TEX11: variants seen among roughly 807,000 people sequenced by gnomAD.
The protein encoded by TEX11 is testis expressed 11.
Under a neutral mutation model 84.4 loss-of-function variants are expected in TEX11, and 7 were observed. The ratio of observed to expected loss-of-function variants is 0.08; its 90% CI spans 0.05 to 0.16. TEX11 has a LOEUF of 0.16. TEX11 is among the 10% of genes least tolerant of loss of function. TEX11 has a pLI of 1.00. For missense variants in TEX11, 551 were observed against 660.5 expected (o/e 0.83, Z 1.82); for synonymous variants, 264 against 222.8 (o/e 1.18, Z -1.64).
chrX:70,557,767 A>C (rs1225379632), intron 25 of TEX11, among the ~76,000 whole-genome samples: 1 of 111,725 alleles, frequency 9.0e-6, no homozygotes, highest in Non-Finnish European at 1.9e-5. Flanking sequence ...CTCGTATGGA[A>C]ATTCAAGGGA....
At chrX:70,564,577 CCA>C (rs2147959214) in intron 25 of TEX11, among the ~76,000 whole-genome samples, 1 of 91,665 alleles carries the variant, frequency 1.1e-5, no homozygotes, top group South Asian at 6.3e-4. Context: ...ACAACAGTCC[CCA>C]GAGTGTGATG....
intron 4 of TEX11, among the ~76,000 whole-genome samples, chrX:70,869,990 G>T (rs2091621554): frequency 9.0e-6 from 1 of 111,477 alleles, no homozygotes. Context: ...GCTCCATCTT[G>T]TCTTCTCACC....
chrX:70,870,315 G>T (rs1163072187), intron 4 of TEX11, among the ~76,000 whole-genome samples: 6 of 111,064 alleles, frequency 5.4e-5, no homozygotes, highest in East Asian at 2.8e-4. Flanking sequence ...CTCAATAAAT[G>T]ACTAATAAAT....
intron 20 of TEX11, among the ~76,000 whole-genome samples, chrX:70,611,866 G>A (rs1427776565): frequency 8.9e-6 from 1 of 112,029 alleles, no homozygotes; most frequent in Non-Finnish European, 1.9e-5. Flanking sequence ...GCCAGGTGCA[G>A]TGGCTCATGC....
At chrX:70,898,979 T>C (rs7889714) in intron 2 of TEX11, among the ~76,000 whole-genome samples, 59 of 112,109 alleles carry the variant, frequency 5.3e-4, no homozygotes, top group African/African-American at 1.8e-3. Flanking sequence ...ATCTGTAAGA[T>C]TTCTGTACAG....
At chrX:70,695,032 G>A (rs1038116036) in intron 13 of TEX11, among the ~76,000 whole-genome samples, 1 of 111,650 alleles carries the variant, frequency 9.0e-6, no homozygotes, top group African/African-American at 3.3e-5. Context: ...CTGCCACATT[G>A]GAGAACAAAT....
At chrX:70,641,254 C>A (rs62609373) in intron 17 of TEX11, among the ~76,000 whole-genome samples, 16,920 of 110,611 alleles carry the variant, frequency 0.15, 1,184 homozygotes, top group Non-Finnish European at 0.2. Context: ...ACAGGAGCAC[C>A]CAGATTCATA....
chrX:70,614,752 T>C (rs1306940841), intron 20 of TEX11, among the ~76,000 whole-genome samples: 1 of 111,213 alleles, frequency 9.0e-6, no homozygotes, highest in Non-Finnish European at 1.9e-5. Context: ...GCAGTTCTAG[T>C]GGTAATGGCC....
At chrX:70,538,695 G>A (rs1454135742) in intron 28 of TEX11, among the ~76,000 whole-genome samples, 3 of 110,420 alleles carry the variant, frequency 2.7e-5, no homozygotes, top group Non-Finnish European at 5.7e-5. Flanking sequence ...GAAATAACAC[G>A]GCTGCAATTT....
At chrX:70,757,800 T>C (rs761601940) in intron 9 of TEX11, among the ~76,000 whole-genome samples, 34 of 111,828 alleles carry the variant, frequency 3.0e-4, no homozygotes, top group African/African-American at 1.0e-3. Flanking sequence ...ATGAGCTGAA[T>C]ACCCCAATTA....
intron 8 of TEX11, among the ~76,000 whole-genome samples, chrX:70,809,766 G>A (rs112515276): frequency 2.7e-5 from 3 of 110,618 alleles, no homozygotes; most frequent in Admixed American, 9.7e-5. Flanking sequence ...GTGCGTTCTC[G>A]GCTCACTGCA....
At chrX:70,820,113 A>G (rs1429049378) in intron 8 of TEX11, among the ~76,000 whole-genome samples, 1 of 112,252 alleles carries the variant, frequency 8.9e-6, no homozygotes, top group East Asian at 2.8e-4. Flanking sequence ...AGCCAAAGAA[A>G]TCTTGCGCAA....
intron 7 of TEX11, among the ~76,000 whole-genome samples, chrX:70,838,816 A>G (rs1484833355): frequency 8.9e-6 from 1 of 112,613 alleles, no homozygotes; most frequent in Admixed American, 9.3e-5. Context: ...GGGCTTAAAA[A>G]ATGGCACACC....
chrX:70,820,350 T>C (rs1389273997), intron 8 of TEX11, among the ~76,000 whole-genome samples: 1 of 112,114 alleles, frequency 8.9e-6, no homozygotes, highest in Non-Finnish European at 1.9e-5. Flanking sequence ...TTGATGGATA[T>C]CAACATGCAA....
At chrX:70,749,183 A>G (rs1295868805) in intron 9 of TEX11, among the ~76,000 whole-genome samples, 2 of 108,269 alleles carry the variant, frequency 1.8e-5, no homozygotes, top group African/African-American at 6.8e-5. Context: ...CTTTGAAGCA[A>G]TTTTCAATGG....
intron 2 of TEX11, chrX:70,897,676 AG>A (rs2091778732): frequency 1.4e-5 from 1 of 70,905 alleles, no homozygotes; most frequent in Non-Finnish European, 2.7e-5. Flanking sequence ...AAACAAAGAA[AG>A]AAAAAGAAAG....
chrX:70,514,165 G>A, the TEX11 span, among the ~76,000 whole-genome samples: 3 of 109,563 alleles, frequency 2.7e-5, no homozygotes, highest in African/African-American at 1.0e-4. Context: ...AGATTTGGGG[G>A]AATGAAACTT....
chrX:70,846,166 A>C (rs2091478165), intron 7 of TEX11: 1 of 99,585 alleles, frequency 1.0e-5, no homozygotes, highest in South Asian at 4.4e-4. Flanking sequence ...GCAGCAAAGC[A>C]ACATCAAGAG....
chrX:70,887,750 T>C (rs1354631815), intron 2 of TEX11, among the ~76,000 whole-genome samples: 1 of 112,165 alleles, frequency 8.9e-6, no homozygotes, highest in African/African-American at 3.2e-5. Context: ...CGGGCCTTGG[T>C]TACAAAGGTG....
Sources: gnomAD v4.1 joint callset for allele counts (sites outside exome capture counted in the v4.1 genomes callset) on GRCh38, gnomAD v4.1.1 for gene constraint, MANE v1.5 for transcripts, NCBI Gene and HGNC (gene_info 2026-07-23, HGNC 2026-07-21) for gene names.